Variants in ARB2A observed in about 807,000 individuals in gnomAD.
ARB2A encodes cotranscriptional regulator ARB2A.
the ARB2A span, among the ~76,000 whole-genome samples, chr5:93,766,484 A>T: frequency 6.6e-6 from 1 of 152,166 alleles, no homozygotes; most frequent in Admixed American, 6.5e-5. Context: ...CAAAACCACA[A>T]TGAGATACCA....
chr5:93,637,483 T>A, the ARB2A span, among the ~76,000 whole-genome samples: 1 of 150,554 alleles, frequency 6.6e-6, no homozygotes, highest in South Asian at 2.1e-4. Flanking sequence ...CTGGGATAAA[T>A]GCAATAATGC....
the ARB2A span, among the ~76,000 whole-genome samples, chr5:93,692,382 A>G: frequency 6.6e-6 from 1 of 152,076 alleles, no homozygotes; most frequent in Non-Finnish European, 1.5e-5. Context: ...CAAACAAAAA[A>G]GCAGGGGTTG....
chr5:93,815,361 T>C, the ARB2A span, among the ~76,000 whole-genome samples: 2 of 152,196 alleles, frequency 1.3e-5, no homozygotes, highest in Admixed American at 1.3e-4. Context: ...AAGAAGGTGT[T>C]AGACCCATAG....
chr5:93,677,800 A>G, the ARB2A span, among the ~76,000 whole-genome samples: 1 of 152,238 alleles, frequency 6.6e-6, no homozygotes, highest in Non-Finnish European at 1.5e-5. Flanking sequence ...TAAACCCTAC[A>G]CATCAAAGAA....
the ARB2A span, among the ~76,000 whole-genome samples, chr5:93,750,959 A>G: frequency 1.3e-5 from 2 of 152,234 alleles, no homozygotes; most frequent in Non-Finnish European, 2.9e-5. Context: ...AGTAAATAAA[A>G]GTAAAAAATC....
At chr5:93,908,927 A>G in the ARB2A span, among the ~76,000 whole-genome samples, 4 of 151,034 alleles carry the variant, frequency 2.6e-5, no homozygotes, top group Non-Finnish European at 5.9e-5. Flanking sequence ...TTAGGAGTGA[A>G]GAAGTTGGGA....
chr5:93,697,919 T>C, the ARB2A span, among the ~76,000 whole-genome samples: 1 of 152,162 alleles, frequency 6.6e-6, no homozygotes, highest in East Asian at 1.9e-4. Flanking sequence ...GCTTTAGGGT[T>C]TAACCCTTTT....
At chr5:94,104,216 G>A in the ARB2A span, among the ~76,000 whole-genome samples, 34 of 151,160 alleles carry the variant, frequency 2.2e-4, no homozygotes, top group Admixed American at 1.2e-3. Context: ...AAACCAAAAC[G>A]TCGTTCTCTG....
the ARB2A span, among the ~76,000 whole-genome samples, chr5:93,947,508 C>CT: frequency 6.7e-6 from 1 of 149,364 alleles, no homozygotes; most frequent in Non-Finnish European, 1.5e-5. Flanking sequence ...ACTGTATCTT[C>CT]TTTTTATTAT....
the ARB2A span, among the ~76,000 whole-genome samples, chr5:93,865,068 T>C: frequency 1.3e-5 from 2 of 152,216 alleles, no homozygotes; most frequent in Non-Finnish European, 2.9e-5. Context: ...ATTTGATATC[T>C]TGATGTATCA....
the ARB2A span, among the ~76,000 whole-genome samples, chr5:93,971,451 C>T: frequency 6.6e-6 from 1 of 151,934 alleles, no homozygotes; most frequent in East Asian, 2.0e-4. Flanking sequence ...CCTGTAATCC[C>T]AGCTACTTGG....
chr5:93,787,216 G>A, the ARB2A span, among the ~76,000 whole-genome samples: 27 of 152,134 alleles, frequency 1.8e-4, no homozygotes, highest in Admixed American at 1.6e-3. Flanking sequence ...ATATATTCTT[G>A]AATTATGAAA....
At chr5:93,760,667 A>C in the ARB2A span, among the ~76,000 whole-genome samples, 2 of 152,232 alleles carry the variant, frequency 1.3e-5, no homozygotes, top group Non-Finnish European at 2.9e-5. Flanking sequence ...CATCCTTTTC[A>C]ACAAATGGTG....
At chr5:93,999,721 C>A in the ARB2A span, among the ~76,000 whole-genome samples, 3 of 152,084 alleles carry the variant, frequency 2.0e-5, no homozygotes, top group Admixed American at 2.0e-4. Context: ...AATCTTGGTG[C>A]TGTACTTTCT....
chr5:93,715,404 G>A, the ARB2A span, among the ~76,000 whole-genome samples: 2 of 152,192 alleles, frequency 1.3e-5, no homozygotes, highest in Non-Finnish European at 2.9e-5. Flanking sequence ...CATAACATGT[G>A]TTACTGCAGT....
At chr5:93,910,537 A>G in the ARB2A span, among the ~76,000 whole-genome samples, 14 of 151,420 alleles carry the variant, frequency 9.2e-5, no homozygotes, top group Admixed American at 4.6e-4. Flanking sequence ...ACAGCAAGAA[A>G]CATGCCATAA....
the ARB2A span, among the ~76,000 whole-genome samples, chr5:93,721,287 A>G: frequency 1.2e-4 from 19 of 152,252 alleles, no homozygotes; most frequent in African/African-American, 4.1e-4. Context: ...AAGTCAGTTC[A>G]GCTTTGATGT....
At chr5:93,635,215 G>C in the ARB2A span, among the ~76,000 whole-genome samples, 2 of 152,264 alleles carry the variant, frequency 1.3e-5, no homozygotes, top group East Asian at 3.9e-4. Flanking sequence ...ATTCAGCAAG[G>C]AGCTTTGTAG....
chr5:93,881,362 TGACAAATAAAAAAA>T, the ARB2A span: 1 of 827,740 alleles, frequency 1.2e-6, no homozygotes, highest in Non-Finnish European at 1.8e-6. Context: ...AAATAAATGA[TGACAAATAAAAAAA>T]TTAATATTCT....
Sources: gnomAD v4.1 joint callset for allele counts (sites outside exome capture counted in the v4.1 genomes callset) on GRCh38, gnomAD v4.1.1 for gene constraint, MANE v1.5 for transcripts, NCBI Gene and HGNC (gene_info 2026-07-23, HGNC 2026-07-21) for gene names.